NFATC1: variants seen among roughly 807,000 people sequenced by gnomAD.
The protein encoded by NFATC1 is nuclear factor of activated T-cells, cytoplasmic 1.
In NFATC1, 22 loss-of-function variants were observed where a neutral mutation model predicts 76.0. The observed-to-expected ratio is 0.29, with a 90% CI of 0.21 to 0.41. NFATC1 has a LOEUF of 0.41. NFATC1 is among the 10% of genes least tolerant of loss of function. The pLI is 1.00. For synonymous variants in NFATC1, 704 were observed against 613.1 expected, an observed-to-expected ratio of 1.15 and a Z score of -2.19; for missense variants, 1,357 against 1,337.7, an observed-to-expected ratio of 1.01 and a Z score of -0.23.
intron 9 of NFATC1, among the ~76,000 whole-genome samples, chr18:79,521,950 T>G (rs2090605742): frequency 9.6e-6 from 1 of 103,950 alleles, no homozygotes; most frequent in Non-Finnish European, 1.9e-5. Flanking sequence ...GTTTTGTGTG[T>G]GGGAGGTTGT....
At chr18:79,492,779 C>T (rs1369526579) in intron 9 of NFATC1, among the ~76,000 whole-genome samples, 11 of 149,142 alleles carry the variant, frequency 7.4e-5, no homozygotes, top group Non-Finnish European at 1.6e-4. Context: ...AAGGCTGAGG[C>T]AGGAGAATCA....
chr18:79,396,406 C>A, intron 1 of NFATC1, 55 bp downstream of exon 1: 1 of 1,104,696 alleles, frequency 9.1e-7, no homozygotes, highest in Non-Finnish European at 1.1e-6. Context: ...CGGCCCGGGC[C>A]GCGCCCCCCG....
Position 79,410,861 on chromosome 18 carries a change from CCGTACGCGTCCCCCCAGA to C in NFATC1, c.590_607del (p.Tyr197_Thr202del). ...CTCCTACGAGTCCAACTACTCGTAC[CCGTACGCGTCCCCCCAGA>C]CGTCGCCATGGCAGTCTCCCTGCGT... On this transcript the variant is annotated inframe_deletion, in exon 2 of 10. Coordinates refer to ENST00000427363, the MANE Select transcript of NFATC1 (RefSeq NM_001278669.2). The surrounding 1 kb of genome is among the most constrained non-coding windows in gnomAD (Gnocchi z 6.7). The C allele has an allele frequency of 6.2e-7, 1 of 1,609,832 alleles. No individual in the cohort carries two copies. The highest frequency in any genetic ancestry group is 8.5e-7 in the Non-Finnish European group (1 of 1,178,676).
At chr18:79,403,658 C>T (rs2085340626) in intron 1 of NFATC1, among the ~76,000 whole-genome samples, 1 of 152,286 alleles carries the variant, frequency 6.6e-6, no homozygotes, top group South Asian at 2.1e-4. Flanking sequence ...CGGGGCCACC[C>T]TCCGAACCTC....
In NFATC1 at chr18:79,408,072, G is replaced by A. The variant is rs372597126; in HGVS notation, c.128-2331G>A. Among the ~76,000 whole-genome samples, 16 of 152,180 alleles carry A rather than the reference G, an allele frequency of 1.1e-4. No individual in the cohort carries two copies. The East Asian group carries it at 1.3e-3, about 13-fold the overall frequency. On this transcript the variant is annotated intron_variant, in intron 1 of 9. Coordinates refer to ENST00000427363, the MANE Select transcript of NFATC1 (RefSeq NM_001278669.2). ...CTGTGACTCCTGGGATTGAGGCCAC[G>A]GTGTGTCCTCTTACCAGGCTGCCGT...
At chr18:79,455,428 G>A (rs1183697684) in intron 6 of NFATC1, among the ~76,000 whole-genome samples, 3 of 152,266 alleles carry the variant, frequency 2.0e-5, no homozygotes, top group South Asian at 2.1e-4. Flanking sequence ...GTGGCCTCCC[G>A]GGGCCCCTCT....
intron 1 of NFATC1, among the ~76,000 whole-genome samples, chr18:79,405,789 C>A (rs977917609): frequency 6.6e-6 from 1 of 152,232 alleles, no homozygotes; most frequent in Non-Finnish European, 1.5e-5. Flanking sequence ...TATGGTGTTT[C>A]TTTGCCTCAT....
rs371582451 is a variant in NFATC1 at position 79,486,844 on chromosome 18, G to C, written c.2689G>C (p.Glu897Gln). The C allele has an allele frequency of 9.1e-5, 147 of 1,611,842 alleles. No individual in the cohort carries two copies. The highest frequency in any genetic ancestry group is 1.2e-4 in the Non-Finnish European group (146 of 1,179,580). The stretch of plus-strand genomic sequence containing the variant: ...GACTGCCGGGCCACGGCTGCTGCCA[G>C]AGGTGCATGAGGACGGTAGTCCTAA... ...SPTAGPRLLP[E>Q]VHEDGSPNLA... The change falls in exon 9 of 10, where the codon GAG becomes CAG. Residue 897 changes from glutamate (E) to glutamine (Q), a missense_variant. Glu to Gln is a conservative substitution (Grantham distance 29, BLOSUM62 2). This residue lies in a region of NFATC1 where 424 missense variants were observed against 395.4 expected (regional missense o/e 1.07). Coordinates refer to ENST00000427363, the MANE Select transcript of NFATC1 (RefSeq NM_001278669.2).
chr18:79,416,676 A>G (rs2148216801), intron 2 of NFATC1, among the ~76,000 whole-genome samples: 1 of 152,314 alleles, frequency 6.6e-6, no homozygotes, highest in South Asian at 2.1e-4. Context: ...AAACACTGGC[A>G]TGGGCTGGAA....
rs949073291 is a variant in NFATC1 at position 79,414,157 on chromosome 18, G to A, written c.1226+2656G>A. Among the ~76,000 whole-genome samples, 6 of 152,282 alleles carry A rather than the reference G, an allele frequency of 3.9e-5. No homozygotes were observed. The East Asian group carries it at 1.2e-3, about 29-fold the overall frequency. Reference sequence around the variant, plus strand: ...GATGAAATGTTAGTTTTTTACCAGCGAGGTGGAGAGGCCAGACTTCCTTCC... The same window carrying A: ...GATGAAATGTTAGTTTTTTACCAGCAAGGTGGAGAGGCCAGACTTCCTTCC... On this transcript the variant is annotated intron_variant, in intron 2 of 9. Transcript: ENST00000427363.
intron 3 of NFATC1, among the ~76,000 whole-genome samples, chr18:79,437,282 G>A (rs2086813135): frequency 6.6e-6 from 1 of 152,254 alleles, no homozygotes; most frequent in African/African-American, 2.4e-5. Context: ...AACCAAAGAT[G>A]AAGACGCCTG....
rs751387254 is a variant in NFATC1, at chr18:79,433,724, C to T, written c.1372C>T (p.His458Tyr). Residue 458 changes from histidine (H) to tyrosine (Y), a missense_variant, in exon 3 of 10, where the codon CAC (histidine) becomes TAC (tyrosine). Transcript: ENST00000427363. ...RGAVKASAGG[H>Y]PIVQLHGYLE... Reference sequence around the variant, plus strand: ...GGCCGTGAAGGCGTCGGCCGGAGGACACCCCATCGTGCAGGTAGGCACTGC... The same window carrying T: ...GGCCGTGAAGGCGTCGGCCGGAGGATACCCCATCGTGCAGGTAGGCACTGC... 5.0e-6 allele frequency: 8 copies of T among 1,612,720 alleles called. No individual in the cohort carries two copies. The highest frequency in any genetic ancestry group is 1.3e-5 in the African/African-American group (1 of 75,050).
At chr18:79,414,665 TGGG>T (rs1000558839) in intron 2 of NFATC1, among the ~76,000 whole-genome samples, 2 of 152,130 alleles carry the variant, frequency 1.3e-5, no homozygotes, top group African/African-American at 4.8e-5. Context: ...TGTCAAAGCT[TGGG>T]GGGACTGGCA....
chr18:79,415,916 G>A (rs1295673131), intron 2 of NFATC1, among the ~76,000 whole-genome samples: 3 of 152,100 alleles, frequency 2.0e-5, no homozygotes, highest in Admixed American at 1.3e-4. Flanking sequence ...ACACAAATTA[G>A]CTGGGCATGG....
At chr18:79,459,644 C>G (rs558365403) in intron 6 of NFATC1, among the ~76,000 whole-genome samples, 3 of 152,060 alleles carry the variant, frequency 2.0e-5, no homozygotes, top group African/African-American at 7.2e-5. Flanking sequence ...CTGGGCTGGG[C>G]GGGAAGCAAA....
chr18:79,464,698 A>ATATATATATAT (rs1329123171), intron 7 of NFATC1, among the ~76,000 whole-genome samples: 1 of 94,870 alleles, frequency 1.1e-5, no homozygotes, highest in African/African-American at 5.5e-5. Context: ...ATATATATTT[A>ATATATATATAT]TTTATTTATT....
At chr18:79,424,967 G>A (rs1273914162) in intron 2 of NFATC1, among the ~76,000 whole-genome samples, 15 of 116,132 alleles carry the variant, frequency 1.3e-4, no homozygotes, top group South Asian at 2.6e-4. Context: ...CTGTCTCTCC[G>A]TCTCTGTCTC....
chr18:79,524,849 A>G lies in NFATC1; in HGVS notation c.2783-2679A>G, dbSNP rs1485854010. Among the ~76,000 whole-genome samples, 1 of 151,364 alleles carries G rather than the reference A, an allele frequency of 6.6e-6. No individual in the cohort carries two copies. The highest frequency in any genetic ancestry group is 1.5e-5 in the Non-Finnish European group (1 of 67,830). On this transcript the variant is annotated intron_variant, in intron 9 of 9. Transcript: ENST00000427363. This position sits in a 1 kb window ranked among gnomAD's most constrained non-coding sequence, Gnocchi z 7.2. ...CCCATGGCCATGCCGCTTCCCTTTC[A>G]CCCTCAGCGACGCGCCCTCCTGTGC...
chr18:79,512,148 C>T (rs1407293313), intron 9 of NFATC1, among the ~76,000 whole-genome samples: 1 of 152,114 alleles, frequency 6.6e-6, no homozygotes, highest in Admixed American at 6.5e-5. Flanking sequence ...AGACAAGCCC[C>T]AGGACGCAGC....
Sources: gnomAD v4.1 joint callset for allele counts (sites outside exome capture counted in the v4.1 genomes callset) on GRCh38, gnomAD v4.1.1 for gene constraint, gnomAD v4.1.1 regional missense constraint, Gnocchi (gnomAD v3.1) non-coding constraint, MANE v1.5 for transcripts, NCBI Gene and HGNC (gene_info 2026-07-23, HGNC 2026-07-21) for gene names.